The following KRT83 variants were observed in gnomAD, a reference collection of about 807,000 sequenced individuals.
The protein encoded by KRT83 is keratin, type II cuticular Hb3.
KRT83 carries 51 observed loss-of-function variants against 52.9 expected under a neutral mutation model. That is an observed-to-expected ratio of 0.96 (90% CI 0.77 to 1.22). KRT83 has a LOEUF of 1.22. KRT83 is among the 50% of genes most tolerant of loss of function. KRT83 has a pLI of 0.00. For missense variants in KRT83, 654 were observed against 666.5 expected (o/e 0.98, Z 0.21); for synonymous variants, 278 against 274.1 (o/e 1.01, Z -0.14).
In KRT83 at chr12:52,315,346, G is replaced by A. The variant is rs978736201; in HGVS notation, c.1263-3C>T. 1.2e-6 allele frequency: 2 copies of A among 1,613,636 alleles called. No individual in the cohort carries two copies. Among genetic ancestry groups the A allele is most frequent in the African/African-American group, 2.7e-5 (2 of 74,918 alleles). ...CAGCTTCAACACCTTCACACAGCCT[G>A]AGTGGGGAAAAAGTAAGGAAGGGGA... On this transcript the variant is annotated splice_region_variant and splice_polypyrimidine_tract_variant and intron_variant, in intron 7 of 8. Transcript: ENST00000293670.
Position 52,321,161 on chromosome 12 carries a change from A to G in KRT83, c.175T>C (p.Phe59Leu), listed in dbSNP as rs2121349811. The G allele has an allele frequency of 1.2e-6, 2 of 1,612,576 alleles. No homozygotes were observed. The highest frequency in any genetic ancestry group is 4.5e-5 in the East Asian group (2 of 44,870). Reference protein sequence around the residue: ...GFGSHSVCGGFRAGSCGRSFG... With the variant: ...GFGSHSVCGGLRAGSCGRSFG... ...CTGCGTCCGCAGGAGCCGGCGCGGA[A>G]GCCCCCGCACACGCTGTGGCTGCCA... is the stretch of plus-strand genomic sequence containing the variant. Residue 59 changes from phenylalanine to leucine, a missense_variant, in exon 1 of 9, where the codon TTC becomes CTC. Physicochemically the swap from Phe to Leu is conservative, Grantham distance 22. Transcript: ENST00000293670.
chr12:52,320,780 C>T (rs1938755886), intron 1 of KRT83, among the ~76,000 whole-genome samples, 172 bp downstream of exon 1: 1 of 152,174 alleles, frequency 6.6e-6, no homozygotes, highest in South Asian at 2.1e-4. Flanking sequence ...TCTGGTAGCT[C>T]CCGGTCCCAT....
rs1339513714 is a variant in KRT83, at chr12:52,315,350, G to A, written c.1263-7C>T. 1 of 1,613,574 alleles carries A rather than the reference G, an allele frequency of 6.2e-7. No individual in the cohort carries two copies. Among genetic ancestry groups the A allele is most frequent in the South Asian group, 1.1e-5 (1 of 91,030 alleles). Reference sequence around the variant, plus strand: ...TTCAACACCTTCACACAGCCTGAGTGGGGAAAAAGTAAGGAAGGGGAAGAT... The same window carrying A: ...TTCAACACCTTCACACAGCCTGAGTAGGGAAAAAGTAAGGAAGGGGAAGAT... On this transcript the variant is annotated splice_region_variant and splice_polypyrimidine_tract_variant and intron_variant, in intron 7 of 8. Coordinates refer to ENST00000293670, the MANE Select transcript of KRT83 (RefSeq NM_002282.3).
At chr12:52,317,798 G>C in intron 3 of KRT83, 22 bp from the exon 4 acceptor site, 1 of 1,613,626 alleles carries the variant, frequency 6.2e-7, no homozygotes, top group Non-Finnish European at 8.5e-7. Context: ...AGAAGGGGCT[G>C]TGAGGCCGGC....
At position 52,316,075 on chromosome 12, in the gene KRT83, C is replaced by T. The variant is rs770479449; in HGVS notation, c.1080G>A (p.Gln360=). Residue 360 remains glutamine (Q), a synonymous_variant, in exon 7 of 9, where the codon CAG becomes CAA. Coordinates refer to ENST00000293670, the MANE Select transcript of KRT83 (RefSeq NM_002282.3). ...CATCACTGAGGGCCGCCTCACCCTG[C>T]TGCTCAGACTGGGCCACCGCAGCTT... ...KLEAAVAQSE[Q]QGEAALSDAR... is the part of the protein sequence containing the mutation. The T allele has an allele frequency of 5.6e-6, 9 of 1,613,676 alleles. No individual in the cohort carries two copies. The Admixed American group carries it at 6.7e-5, about 12-fold the overall frequency.
At position 52,315,934 on chromosome 12, in the gene KRT83, C is replaced by T. The variant is rs1938678789; in HGVS notation, c.1221G>A (p.Glu407=). The T allele has an allele frequency of 6.2e-7, 1 of 1,612,690 alleles. No individual in the cohort carries two copies. Among genetic ancestry groups the T allele is most frequent in the Non-Finnish European group, 8.5e-7 (1 of 1,179,892 alleles). The stretch of plus-strand genomic sequence containing the variant: ...CCAGCAGGCGCCTGTAGGTGGCGAT[C>T]TCGATATCCAGGCCTAGCTTGGAGT... ...VMNSKLGLDI[E]IATYRRLLEG... is the part of the protein sequence containing the mutation. The change falls in exon 7 of 9, where the codon GAG becomes GAA. Residue 407 remains glutamate (E), a synonymous_variant. Transcript: ENST00000293670.
rs577585131 is a variant in KRT83, at chr12:52,314,649, G to A, written c.1464C>T (p.Cys488=). 1.7e-5 allele frequency: 27 copies of A among 1,571,206 alleles called. No individual in the cohort carries two copies. The highest frequency in any genetic ancestry group is 1.6e-4 in the East Asian group (7 of 43,018). ...GGGCCACTTAATGCCTCCCCTGGCC[G>A]CAGGAGCCCCCTCCACAGGTGGTGT... is the stretch of plus-strand genomic sequence containing the variant. ...QLNTTCGGGS[C]GQGRH is the part of the protein sequence containing the mutation. The change falls in exon 9 of 9, where the codon TGC becomes TGT. Residue 488 remains cysteine (C), a synonymous_variant. Transcript: ENST00000293670.
At chr12:52,317,868 C>T (rs755406658) in intron 3 of KRT83, 42 bp downstream of exon 3, 84 of 1,611,542 alleles carry the variant, frequency 5.2e-5, no homozygotes, top group Admixed American at 8.3e-5. Flanking sequence ...GGATGGGTGG[C>T]GGGACTCAGG....
Position 52,317,023 on chromosome 12 carries a change from C to T in KRT83, c.751G>A (p.Glu251Lys), listed in dbSNP as rs775297493. Reference sequence around the variant, plus strand: ...ATGTGGGATTGGAGAATGCGGATCTCCTGCAGGAGGTGGGGAAAGGAAGGA... The same window carrying T: ...ATGTGGGATTGGAGAATGCGGATCTTCTGCAGGAGGTGGGGAAAGGAAGGA... ...IDFLRRLYEE[E>K]IRILQSHISD... is the part of the protein sequence containing the mutation. Residue 251 changes from glutamate (E) to lysine (K), a missense_variant and splice_region_variant, in exon 5 of 9, where the codon GAG becomes AAG. Glu to Lys is a moderately conservative substitution (Grantham distance 56). Coordinates refer to ENST00000293670, the MANE Select transcript of KRT83 (RefSeq NM_002282.3). 1.2e-6 allele frequency: 2 copies of T among 1,614,144 alleles called. No individual in the cohort carries two copies. The highest frequency in any genetic ancestry group is 1.1e-5 in the South Asian group (1 of 91,078).
Position 52,317,963 on chromosome 12 carries a change from C to A in KRT83, c.601G>T (p.Glu201Ter), listed in dbSNP as rs146753414. The change falls in exon 3 of 9, where the codon GAA becomes TAA. Residue 201 changes from glutamate (E) to a stop codon, truncating the protein, a stop_gained. Transcript: ENST00000293670. LOFTEE classifies it high-confidence loss of function. ...VLEGYKKKYEEEVALRATAEN... is the reference protein window; with the variant it reads ...VLEGYKKKYE ...GCTGTGGCTCGAAGTGCTACTTCTT[C>A]TTCATACCTGAGGTGAGCAGGGAGA... The A allele has an allele frequency of 0.015, 24,420 of 1,613,780 alleles. 249 individuals are homozygous for A. The highest frequency in any genetic ancestry group is 0.018 in the Middle Eastern group (108 of 6,060).
rs1406055885 is a variant in KRT83 at position 52,318,540 on chromosome 12, T to C, written c.594-570A>G. Among the ~76,000 whole-genome samples, 5 of 152,066 alleles carry C rather than the reference T, an allele frequency of 3.3e-5. No individual in the cohort carries two copies. The East Asian group carries it at 9.7e-4, about 29-fold the overall frequency. On this transcript the variant is annotated intron_variant, in intron 2 of 8. Transcript: ENST00000293670. ...GTCTCTCCCCTCCTGGCCTGAGCTGTGGGAGGCAGCTCAGAGACAGGGAGG... is the reference window on the plus strand; with the variant it reads ...GTCTCTCCCCTCCTGGCCTGAGCTGCGGGAGGCAGCTCAGAGACAGGGAGG...
chr12:52,318,112 C>G, intron 2 of KRT83, 142 bp from the exon 3 acceptor site: 1 of 785,222 alleles, frequency 1.3e-6, no homozygotes, highest in Non-Finnish European at 2.2e-6. Flanking sequence ...TCTGCAGGAA[C>G]CAGGCTGCTG....
At chr12:52,315,145 G>T (rs1380516944) in intron 8 of KRT83, among the ~76,000 whole-genome samples, 167 bp downstream of exon 8, 1 of 152,134 alleles carries the variant, frequency 6.6e-6, no homozygotes, top group African/African-American at 2.4e-5. Flanking sequence ...AGGCTGTGAG[G>T]TTCTTCCTGC....
In KRT83 at chr12:52,319,255, T is replaced by C. The variant is rs776732631; in HGVS notation, c.494A>G (p.Glu165Gly). 3.1e-6 allele frequency: 5 copies of C among 1,613,866 alleles called. No individual in the cohort carries two copies. The highest frequency in any genetic ancestry group is 4.2e-6 in the Non-Finnish European group (5 of 1,179,954). The change falls in exon 2 of 9, where the codon GAG becomes GGG. Residue 165 changes from glutamate to glycine, a missense_variant. Glu to Gly is a moderately conservative substitution (Grantham distance 98). Coordinates refer to ENST00000293670, the MANE Select transcript of KRT83 (RefSeq NM_002282.3). The part of the protein sequence containing the change: ...NLEPLFAGYI[E>G]TLRREAECVE... Reference sequence around the variant, plus strand: ...GCACTCGGCCTCCCGCCGCAGAGTCTCGATGTAGCCAGCAAACAGGGGCTC... The same window carrying C: ...GCACTCGGCCTCCCGCCGCAGAGTCCCGATGTAGCCAGCAAACAGGGGCTC...
Position 52,320,943 on chromosome 12 carries a change from G to T in KRT83, c.384+9C>A. ...GTTCAGGAAGGGTGTGATCCAGGACGACACCCACCTTGTCGATGAAGGCCG... is the reference window on the plus strand; with the variant it reads ...GTTCAGGAAGGGTGTGATCCAGGACTACACCCACCTTGTCGATGAAGGCCG... On this transcript the variant is annotated intron_variant, in intron 1 of 8. Coordinates refer to ENST00000293670, the MANE Select transcript of KRT83 (RefSeq NM_002282.3). The T allele has an allele frequency of 6.2e-7, 1 of 1,613,834 alleles. No homozygotes were observed. The highest frequency in any genetic ancestry group is 8.5e-7 in the Non-Finnish European group (1 of 1,179,868).
At position 52,320,852 on chromosome 12, in the gene KRT83, T is replaced by C. The variant is rs573889351; in HGVS notation, c.384+100A>G. Reference sequence around the variant, plus strand: ...CCTTTCCCTTTGGCCTGGGAACTTCTGTGGGCAAGTTCTTGCCTTTGACTT... The same window carrying C: ...CCTTTCCCTTTGGCCTGGGAACTTCCGTGGGCAAGTTCTTGCCTTTGACTT... On this transcript the variant is annotated intron_variant, in intron 1 of 8. Transcript: ENST00000293670. 33 of 1,610,424 alleles carry C rather than the reference T, an allele frequency of 2.0e-5. No individual in the cohort carries two copies. In the Admixed American group the frequency reaches 3.8e-4, roughly 19 times the overall value.
chr12:52,316,774 C>T (rs1565755004), intron 5 of KRT83, 85 bp downstream of exon 5: 2 of 1,609,192 alleles, frequency 1.2e-6, no homozygotes, highest in Admixed American at 1.7e-5. Flanking sequence ...GGATCAGAAT[C>T]CCTAGACAAA....
In KRT83 at chr12:52,316,455, C is replaced by T. The variant is rs199773372; in HGVS notation, c.1041+13G>A. On this transcript the variant is annotated intron_variant, in intron 6 of 8. Coordinates refer to ENST00000293670, the MANE Select transcript of KRT83 (RefSeq NM_002282.3). Reference sequence around the variant, plus strand: ...TCTCTTCCTACACTGAGGGGTGGGCCGGGCTCTGGTACCTGGCACTTGGCA... The same window carrying T: ...TCTCTTCCTACACTGAGGGGTGGGCTGGGCTCTGGTACCTGGCACTTGGCA... The T allele has an allele frequency of 3.7e-5, 59 of 1,614,016 alleles. 1 individual carries two copies. Among genetic ancestry groups the T allele is most frequent in the Admixed American group, 1.7e-4 (10 of 60,016 alleles).
At chr12:52,319,512 C>T (rs1483285940) in intron 1 of KRT83, 148 bp from the exon 2 acceptor site, 2 of 1,166,262 alleles carry the variant, frequency 1.7e-6, no homozygotes, top group Non-Finnish European at 2.5e-6. Flanking sequence ...AAAAATGCCA[C>T]CAGGGCTTAA....
Sources: allele counts gnomAD v4.1 joint callset (sites outside exome capture counted in the v4.1 genomes callset), GRCh38; gene constraint gnomAD v4.1.1; transcripts MANE v1.5; gene names NCBI Gene and HGNC (gene_info 2026-07-23, HGNC 2026-07-21).